TAFA3: variants seen among roughly 807,000 people sequenced by gnomAD.
The protein encoded by TAFA3 is chemokine-like protein TAFA-3.
A neutral mutation model predicts 20.7 loss-of-function variants in TAFA3; 17 were observed. That is an observed-to-expected ratio of 0.82 (90% CI 0.56 to 1.23). TAFA3 has a LOEUF of 1.23. TAFA3 is among the 50% of genes most tolerant of loss of function. TAFA3 has a pLI of 0.00. For synonymous variants in TAFA3, 74 were observed against 71.8 expected (o/e 1.03, Z -0.16); for missense variants, 174 against 172.8 (o/e 1.01, Z -0.04).
chr1:112,722,978 G>A (rs1316332573), intron 3 of TAFA3, 38 bp from the exon 4 acceptor site: 1 of 1,580,358 alleles, frequency 6.3e-7, no homozygotes, highest in East Asian at 2.3e-5. Context: ...AGCGGGGTCG[G>A]GCGTGTTGGG....
chr1:112,722,322 C>G lies in TAFA3; in HGVS notation c.89C>G (p.Ala30Gly). ...LAWLWTHLTLAALQPPTATVL... is the reference protein window; with the variant it reads ...LAWLWTHLTLGALQPPTATVL... ...TGGCTGTGGACCCACCTGACCTTGG[C>G]TGCCTTGCAGCCTCCCACTGCCACA... Residue 30 changes from alanine to glycine, a missense_variant, in exon 3 of 6, where the codon GCT becomes GGT. Transcript: ENST00000361886. The G allele has an allele frequency of 6.2e-7, 1 of 1,613,762 alleles. No homozygotes were observed. Among genetic ancestry groups the G allele is most frequent in the South Asian group, 1.1e-5 (1 of 91,058 alleles).
Position 112,723,014 on chromosome 1 carries a change from A to C in TAFA3, c.116-2A>C, listed in dbSNP as rs760827176. ...CGTCTGATCCTGGGCGGCTCCCCTC[A>C]GTGCTTGTGCAGCAGGGCACCTGCG... On this transcript the variant is annotated splice_acceptor_variant, in intron 3 of 5. Transcript: ENST00000361886. LOFTEE classifies it high-confidence loss of function. The C allele has an allele frequency of 1.2e-6, 2 of 1,610,178 alleles. No individual in the cohort carries two copies. Among genetic ancestry groups the C allele is most frequent in the African/African-American group, 2.7e-5 (2 of 74,858 alleles).
chr1:112,719,584 C>A (rs1057415229), intron 1 of TAFA3, among the ~76,000 whole-genome samples: 3 of 152,024 alleles, frequency 2.0e-5, no homozygotes, highest in Non-Finnish European at 4.4e-5. Context: ...GATGAGAGCC[C>A]AAATGAACAC....
chr1:112,722,949 G>T (rs1675363921), intron 3 of TAFA3, 67 bp from the exon 4 acceptor site: 15 of 1,505,996 alleles, frequency 1.0e-5, no homozygotes, highest in Non-Finnish European at 1.3e-5. Flanking sequence ...CTGGAGGCCA[G>T]CCCGGGTGGG....
At chr1:112,723,431 C>A (rs1276962812) in intron 4 of TAFA3, among the ~76,000 whole-genome samples, 1 of 152,094 alleles carries the variant, frequency 6.6e-6, no homozygotes, top group Non-Finnish European at 1.5e-5. Flanking sequence ...CCTCACACAG[C>A]CCCACTCCTC....
chr1:112,726,541 G>A, intron 5 of TAFA3, 88 bp from the exon 6 acceptor site: 1 of 1,412,666 alleles, frequency 7.1e-7, no homozygotes, highest in Non-Finnish European at 1.0e-6. Flanking sequence ...TGTCCTCTAA[G>A]TGACCTGCAT....
In TAFA3 at chr1:112,723,026, G is replaced by T. The variant is rs982824608; in HGVS notation, c.126G>T (p.Gln42His). The part of the protein sequence containing the change: ...LQPPTATVLV[Q>H]QGTCEVIAAH... The stretch of plus-strand genomic sequence containing the variant: ...GGCGGCTCCCCTCAGTGCTTGTGCA[G>T]CAGGGCACCTGCGAGGTGATTGCGG... Residue 42 changes from glutamine (Q) to histidine (H), a missense_variant, in exon 4 of 6, where the codon CAG becomes CAT. By Grantham distance (24) the Gln-to-His change is conservative. Coordinates refer to ENST00000361886, the MANE Select transcript of TAFA3 (RefSeq NM_182759.3). 7 of 1,611,956 alleles carry T rather than the reference G, an allele frequency of 4.3e-6. No individual in the cohort carries two copies. The African/African-American group carries it at 5.3e-5, about 12-fold the overall frequency.
chr1:112,723,136 C>T lies in TAFA3; in HGVS notation c.236C>T (p.Thr79Ile). 1.2e-6 allele frequency: 2 copies of T among 1,613,260 alleles called. No homozygotes were observed. The highest frequency in any genetic ancestry group is 1.7e-6 in the Non-Finnish European group (2 of 1,179,862). ...CSCFSGQVAG[T>I]TRAKPSCVDA... ...TGTTTTTCTGGCCAGGTGGCCGGCA[C>T]CACGCGGGCAAAGCCCTCCTGCGTG... The change falls in exon 4 of 6, where the codon ACC becomes ATC. Residue 79 changes from threonine (T) to isoleucine (I), a missense_variant. Physicochemically the swap from Thr to Ile is moderately conservative, Grantham distance 89 (BLOSUM62 -1). Transcript: ENST00000361886.
At chr1:112,723,774 C>A (rs1028343880) in intron 4 of TAFA3, among the ~76,000 whole-genome samples, 15 of 152,212 alleles carry the variant, frequency 9.9e-5, no homozygotes, top group African/African-American at 3.6e-4. Context: ...CCTGCCTTCA[C>A]CCGTCACTGT....
intron 2 of TAFA3, 103 bp from the exon 3 acceptor site, chr1:112,722,130 C>T: frequency 1.7e-6 from 2 of 1,204,600 alleles, no homozygotes; most frequent in Non-Finnish European, 1.2e-6. Context: ...TGTGCCTCCT[C>T]CCCATCTTTG....
chr1:112,724,666 G>A (rs1362488673), intron 5 of TAFA3, among the ~76,000 whole-genome samples: 26 of 145,848 alleles, frequency 1.8e-4, no homozygotes, highest in South Asian at 4.4e-4. Flanking sequence ...GGTAGCATTG[G>A]GAGATATACC....
chr1:112,725,866 C>T (rs375440200), intron 5 of TAFA3, among the ~76,000 whole-genome samples: 7 of 152,034 alleles, frequency 4.6e-5, no homozygotes, highest in South Asian at 2.1e-4. Flanking sequence ...GGGCTGGGTG[C>T]GGTGGCTCAT....
chr1:112,719,898 GGA>G (rs1557786736), intron 1 of TAFA3, among the ~76,000 whole-genome samples: 1 of 152,144 alleles, frequency 6.6e-6, no homozygotes, highest in Non-Finnish European at 1.5e-5. Flanking sequence ...CTCGCTCCTA[GGA>G]GCTAGGACTC....
chr1:112,719,594 C>A (rs894426815), intron 1 of TAFA3, among the ~76,000 whole-genome samples: 1 of 152,046 alleles, frequency 6.6e-6, no homozygotes, highest in East Asian at 1.9e-4. Context: ...CAAATGAACA[C>A]CCCCACCCCT....
At chr1:112,723,534 C>CT (rs1290468263) in intron 4 of TAFA3, among the ~76,000 whole-genome samples, 1 of 152,154 alleles carries the variant, frequency 6.6e-6, no homozygotes, top group Non-Finnish European at 1.5e-5. Context: ...TTCTCTCACA[C>CT]TTTCCTATGT....
At position 112,723,060 on chromosome 1, in the gene TAFA3, T is replaced by C. The variant is rs2101498305; in HGVS notation, c.160T>C (p.Cys54Arg). The C allele has an allele frequency of 6.2e-7, 1 of 1,613,118 alleles. No homozygotes were observed. The highest frequency in any genetic ancestry group is 2.2e-5 in the East Asian group (1 of 44,842). Reference sequence around the variant, plus strand: ...CTGCGAGGTGATTGCGGCTCACCGCTGCTGCAACCGGAACCGCATCGAGGA... The same window carrying C: ...CTGCGAGGTGATTGCGGCTCACCGCCGCTGCAACCGGAACCGCATCGAGGA... ...GTCEVIAAHR[C>R]CNRNRIEERS... Residue 54 changes from cysteine (C) to arginine (R), a missense_variant, in exon 4 of 6, where the codon TGC (cysteine) becomes CGC (arginine). Physicochemically the swap from Cys to Arg is radical, Grantham distance 180. Coordinates refer to ENST00000361886, the MANE Select transcript of TAFA3 (RefSeq NM_182759.3).
Position 112,722,286 on chromosome 1 carries a change from T to G in TAFA3, c.53T>G (p.Leu18Arg), listed in dbSNP as rs1469787753. Residue 18 changes from leucine (L) to arginine (R), a missense_variant, in exon 3 of 6, where the codon CTG (leucine) becomes CGG (arginine). By Grantham distance (102) the Leu-to-Arg change is moderately radical (BLOSUM62 -2). Transcript: ENST00000361886. ...NWSTGGWLLALCLAWLWTHLT... is the reference protein window; with the variant it reads ...NWSTGGWLLARCLAWLWTHLT... ...AGCACGGGCGGCTGGCTGCTGGCAC[T>G]GTGCCTGGCCTGGCTGTGGACCCAC... is the stretch of plus-strand genomic sequence containing the variant. 1 of 1,614,108 alleles carries G rather than the reference T, an allele frequency of 6.2e-7. No individual in the cohort carries two copies. The highest frequency in any genetic ancestry group is 2.2e-5 in the East Asian group (1 of 44,882).
At chr1:112,721,309 T>C (rs1675322747) in intron 2 of TAFA3, among the ~76,000 whole-genome samples, 1 of 152,218 alleles carries the variant, frequency 6.6e-6, no homozygotes, top group Non-Finnish European at 1.5e-5. Context: ...TAGATAATCC[T>C]TCCTTTATAC....
rs1419162692 is a variant in TAFA3 at position 112,722,318 on chromosome 1, T to A, written c.85T>A (p.Leu29Met). 7 of 1,613,794 alleles carry A rather than the reference T, an allele frequency of 4.3e-6. No individual in the cohort carries two copies. Among genetic ancestry groups the A allele is most frequent in the South Asian group, 1.1e-5 (1 of 91,064 alleles). ...GGCCTGGCTGTGGACCCACCTGACC[T>A]TGGCTGCCTTGCAGCCTCCCACTGC... The part of the protein sequence containing the change: ...CLAWLWTHLT[L>M]AALQPPTATV... The change falls in exon 3 of 6, where the codon TTG (leucine) becomes ATG (methionine). Residue 29 changes from leucine (L) to methionine (M), a missense_variant. Leu to Met is a conservative substitution (Grantham distance 15). Transcript: ENST00000361886.
Sources: allele counts gnomAD v4.1 joint callset (sites outside exome capture counted in the v4.1 genomes callset), GRCh38; gene constraint gnomAD v4.1.1; transcripts MANE v1.5; gene names NCBI Gene and HGNC (gene_info 2026-07-23, HGNC 2026-07-21).